The following MYRIP variants were observed in gnomAD, a reference collection of about 807,000 sequenced individuals.
MYRIP encodes myosin VIIA and Rab interacting protein.
In MYRIP, 49 loss-of-function variants were observed where a neutral mutation model predicts 98.0. That is an observed-to-expected ratio of 0.50 (90% CI 0.40 to 0.63). MYRIP has a LOEUF of 0.63. Among genes scored for constraint, MYRIP ranks in the 30% least tolerant of loss-of-function variants. MYRIP has a pLI of 0.00. For synonymous variants in MYRIP, 404 were observed against 409.5 expected (o/e 0.99, Z 0.16); for missense variants, 1,004 against 1,058.2 (o/e 0.95, Z 0.71).
At position 39,968,222 on chromosome 3, in the gene MYRIP, G is replaced by GTTT. The variant is rs34248673; in HGVS notation, c.110+67305_110+67307dup. Among the ~76,000 whole-genome samples the GTTT allele has an allele frequency of 3.6e-3, 537 of 147,510 alleles. 2 individuals carry two copies. Among genetic ancestry groups the GTTT allele is most frequent in the African/African-American group, 3.7e-3 (148 of 40,428 alleles). ...TAGTTTTGGGTTTCACATTTAACTT[G>GTTT]TTTTTTTTTTTGAGATATAGTGGCA... On this transcript the variant is annotated intron_variant, in intron 2 of 16. Coordinates refer to ENST00000302541, the MANE Select transcript of MYRIP (RefSeq NM_015460.4).
chr3:40,107,066 T>G (rs1199552066), intron 3 of MYRIP, among the ~76,000 whole-genome samples: 1 of 152,252 alleles, frequency 6.6e-6, no homozygotes, highest in African/African-American at 2.4e-5. Flanking sequence ...TATCAATAGA[T>G]TATGCTAGTA....
At chr3:40,015,819 T>C (rs575011330) in intron 2 of MYRIP, among the ~76,000 whole-genome samples, 2 of 152,350 alleles carry the variant, frequency 1.3e-5, no homozygotes, top group Admixed American at 1.3e-4. Flanking sequence ...ACAACACCTA[T>C]AACCTAACAT....
intron 10 of MYRIP, among the ~76,000 whole-genome samples, chr3:40,204,101 AT>A (rs1347080483): frequency 0.011 from 146 of 13,088 alleles, 11 homozygotes; most frequent in African/African-American, 0.027. Context: ...TATATAATAT[AT>A]TATATAATAT....
intron 1 of MYRIP, among the ~76,000 whole-genome samples, chr3:39,855,647 C>T (rs1397202297): frequency 1.3e-5 from 2 of 152,158 alleles, no homozygotes; most frequent in African/African-American, 2.4e-5. Context: ...GGAGGCTTCA[C>T]CCAGCTCCTA....
At chr3:40,080,034 C>T (rs1348049969) in intron 3 of MYRIP, among the ~76,000 whole-genome samples, 1 of 152,176 alleles carries the variant, frequency 6.6e-6, no homozygotes, top group East Asian at 1.9e-4. Flanking sequence ...ACATGTTAGT[C>T]ATCACTAACA....
chr3:39,881,353 G>A (rs755988535), intron 1 of MYRIP, among the ~76,000 whole-genome samples: 1 of 152,180 alleles, frequency 6.6e-6, no homozygotes, highest in Non-Finnish European at 1.5e-5. Flanking sequence ...ACCTTAACAA[G>A]TGGGGAGATT....
rs1357493485 is a variant in MYRIP, at chr3:40,151,033, T to A, written c.333-15T>A. ...ATAATTCTAATTTTGTGTTGTCTAA[T>A]TCTGTTTTCCTCAGGCTTCTGAGGG... is the stretch of plus-strand genomic sequence containing the variant. On this transcript the variant is annotated splice_polypyrimidine_tract_variant and intron_variant, in intron 3 of 16. Transcript: ENST00000302541. 4 of 1,560,110 alleles carry A rather than the reference T, an allele frequency of 2.6e-6. No homozygotes were observed. Among genetic ancestry groups the A allele is most frequent in the Non-Finnish European group, 3.5e-6 (4 of 1,148,928 alleles).
intron 3 of MYRIP, among the ~76,000 whole-genome samples, chr3:40,082,633 C>T (rs1948502454): frequency 6.6e-6 from 1 of 152,192 alleles, no homozygotes; most frequent in African/African-American, 2.4e-5. Flanking sequence ...TTATAATTCT[C>T]ATTAGGGCCT....
At chr3:39,889,765 T>G (rs576301182) in intron 1 of MYRIP, among the ~76,000 whole-genome samples, 4 of 152,306 alleles carry the variant, frequency 2.6e-5, no homozygotes, top group Admixed American at 2.6e-4. Flanking sequence ...TTATGTTGAA[T>G]TTATTCAGTG....
chr3:40,210,219 T>G, intron 11 of MYRIP, 126 bp downstream of exon 11: 2 of 1,212,520 alleles, frequency 1.6e-6, no homozygotes, highest in Non-Finnish European at 2.3e-6. Flanking sequence ...CCCATCCCTG[T>G]GCATTTGGGA....
chr3:39,916,867 A>G (rs1944176637), intron 2 of MYRIP, among the ~76,000 whole-genome samples: 1 of 152,176 alleles, frequency 6.6e-6, no homozygotes. Flanking sequence ...AACTCCTATA[A>G]AAAAGGCTAT....
chr3:40,017,320 T>C (rs1575467426), intron 2 of MYRIP, among the ~76,000 whole-genome samples: 1 of 152,166 alleles, frequency 6.6e-6, no homozygotes, highest in African/African-American at 2.4e-5. Flanking sequence ...GATGAGTGTA[T>C]GTTTAGATAC....
At chr3:39,852,043 G>A (rs576826249) in intron 1 of MYRIP, among the ~76,000 whole-genome samples, 1 of 152,134 alleles carries the variant, frequency 6.6e-6, no homozygotes, top group Admixed American at 6.5e-5. Context: ...CATTTACTTA[G>A]CAATCAACAA....
intron 2 of MYRIP, among the ~76,000 whole-genome samples, chr3:39,974,915 A>G (rs902386806): frequency 6.6e-6 from 1 of 152,154 alleles, no homozygotes; most frequent in Non-Finnish European, 1.5e-5. Context: ...AGAGCTATCT[A>G]TGACAAACCC....
chr3:40,103,300 A>T (rs1948985668), intron 3 of MYRIP, among the ~76,000 whole-genome samples: 1 of 152,132 alleles, frequency 6.6e-6, no homozygotes, highest in Admixed American at 6.5e-5. Flanking sequence ...CTGCCTAGGC[A>T]CCCTTGCCCC....
chr3:40,081,980 T>C (rs1004897554), intron 3 of MYRIP, among the ~76,000 whole-genome samples: 1 of 152,226 alleles, frequency 6.6e-6, no homozygotes, highest in African/African-American at 2.4e-5. Flanking sequence ...GGGTCATCCA[T>C]GTTGTTGCAA....
intron 10 of MYRIP, 28 bp from the exon 11 acceptor site, chr3:40,209,826 T>A (rs768505490): frequency 2.5e-6 from 4 of 1,613,142 alleles, no homozygotes; most frequent in Non-Finnish European, 3.4e-6. Flanking sequence ...AGAGGGCTCC[T>A]CATCTCATGA....
chr3:40,189,841 T>G lies in MYRIP; in HGVS notation c.1043T>G (p.Leu348Trp), dbSNP rs749892750. The change falls in exon 10 of 17, where the codon TTG becomes TGG. Residue 348 changes from leucine to tryptophan, a missense_variant. Around this residue, in one of 3 missense-constraint regions of MYRIP, gnomAD observed 880 missense variants for 907.7 expected, o/e 0.97. Coordinates refer to ENST00000302541, the MANE Select transcript of MYRIP (RefSeq NM_015460.4). ...RLDETNLAPV[L>W]QSPDGNWVAL... is the part of the protein sequence containing the mutation. ...CCATCCACAGACCTGGCCCCAGTTT[T>G]GCAGAGCCCCGACGGGAACTGGGTG... is the stretch of plus-strand genomic sequence containing the variant. 1.6e-5 allele frequency: 26 copies of G among 1,611,266 alleles called. No homozygotes were observed. Among genetic ancestry groups the G allele is most frequent in the Non-Finnish European group, 2.1e-5 (25 of 1,178,746 alleles).
rs144807590 is a variant in MYRIP at position 40,182,317 on chromosome 3, C to A, written c.971C>A (p.Pro324Gln). The change falls in exon 9 of 17, where the codon CCG becomes CAG. Residue 324 changes from proline to glutamine, a missense_variant. Pro to Gln is a moderately conservative substitution (Grantham distance 76). Coordinates refer to ENST00000302541, the MANE Select transcript of MYRIP (RefSeq NM_015460.4). ...SRQPRDQGQH[P>Q]RAESALPSWK... ...CAGCCAAGGGACCAAGGCCAACACC[C>A]GAGAGCAGAGTCTGCTCTGCCCAGC... 1.2e-6 allele frequency: 2 copies of A among 1,613,942 alleles called. No homozygotes were observed. The highest frequency in any genetic ancestry group is 1.1e-5 in the South Asian group (1 of 91,026).
Sources: gnomAD v4.1 joint callset for allele counts (sites outside exome capture counted in the v4.1 genomes callset) on GRCh38, gnomAD v4.1.1 for gene constraint, gnomAD v4.1.1 regional missense constraint, MANE v1.5 for transcripts, NCBI Gene and HGNC (gene_info 2026-07-23, HGNC 2026-07-21) for gene names.